Variants in CDH12 observed in about 807,000 individuals in gnomAD.
CDH12 encodes the protein cadherin 12.
CDH12 carries 41 observed loss-of-function variants against 74.1 expected under a neutral mutation model. The ratio of observed to expected loss-of-function variants is 0.55; its 90% confidence interval spans 0.43 to 0.72. The LOEUF (loss-of-function observed/expected upper bound fraction) is 0.72. Ranked by LOEUF, CDH12 falls within the 30% of genes least tolerant of loss-of-function variation. The probability of loss-of-function intolerance (pLI) is 0.00; values close to 1 mark genes in which losing one functional copy is unlikely to be tolerated. For missense variants in CDH12, 945 were observed against 977.2 expected, an observed-to-expected ratio of 0.97 and a Z score of 0.44; for synonymous variants, 399 against 355.0, an observed-to-expected ratio of 1.12 and a Z score of -1.39.
At chr5:22,666,282 CT>C (rs1161509257) in intron 1 of CDH12, among the ~76,000 whole-genome samples, 8,018 of 83,566 alleles carry the variant, frequency 0.096, 251 homozygotes, top group African/African-American at 0.26. Context: ...ATCTCTCTAT[CT>C]TTTTTTTTTT....
At chr5:22,048,304 G>T (rs1278805478) in intron 5 of CDH12, among the ~76,000 whole-genome samples, 7 of 152,112 alleles carry the variant, frequency 4.6e-5, no homozygotes, top group Non-Finnish European at 1.5e-5. Flanking sequence ...AAGGTAAAAA[G>T]ACTTCAAAAG....
intron 8 of CDH12, among the ~76,000 whole-genome samples, chr5:21,825,152 C>CAAA (rs34483269): frequency 8.2e-6 from 1 of 122,130 alleles, no homozygotes; most frequent in Non-Finnish European, 1.8e-5. Flanking sequence ...GACTCTATCT[C>CAAA]AAAAAAAAAA....
chr5:21,888,899 T>C (rs1466736927), intron 6 of CDH12, among the ~76,000 whole-genome samples: 1 of 152,086 alleles, frequency 6.6e-6, no homozygotes, highest in Non-Finnish European at 1.5e-5. Flanking sequence ...CAGTTGATTT[T>C]AAGCTTCTAT....
At chr5:22,444,060 G>C (rs1265014775) in intron 2 of CDH12, among the ~76,000 whole-genome samples, 1 of 151,884 alleles carries the variant, frequency 6.6e-6, no homozygotes, top group African/African-American at 2.4e-5. Flanking sequence ...AGCCATAAGA[G>C]GCTAAAATAA....
In CDH12 at chr5:22,182,852, A is replaced by G. The variant is rs1225340767; in HGVS notation, c.-187+29646T>C. Reference sequence around the variant, plus strand: ...TCTAATGAGTTGTAGAACTTTCTCTACAACTGATTAGAGCTTATAGTGCCA... The same window carrying G: ...TCTAATGAGTTGTAGAACTTTCTCTGCAACTGATTAGAGCTTATAGTGCCA... On this transcript the variant is annotated intron_variant, in intron 4 of 14. Transcript: ENST00000382254. 2.6e-5 allele frequency among the ~76,000 whole-genome samples: 4 copies of G among 151,950 alleles called. No homozygotes were observed. The East Asian group carries it at 5.8e-4, about 22-fold the overall frequency.
At chr5:22,205,169 A>G (rs1751152839) in intron 4 of CDH12, among the ~76,000 whole-genome samples, 1 of 152,246 alleles carries the variant, frequency 6.6e-6, no homozygotes, top group Admixed American at 6.5e-5. Context: ...CAATTGCCTC[A>G]ATTCTGATAC....
At chr5:22,476,033 A>C (rs139508634) in intron 2 of CDH12, among the ~76,000 whole-genome samples, 270 of 152,118 alleles carry the variant, frequency 1.8e-3, no homozygotes, top group Middle Eastern at 3.5e-3. Context: ...TCACCTGTAT[A>C]ATTGCTTTCC....
chr5:22,100,752 C>T (rs1007505717), intron 4 of CDH12, among the ~76,000 whole-genome samples: 2 of 151,514 alleles, frequency 1.3e-5, no homozygotes, highest in Non-Finnish European at 2.9e-5. Flanking sequence ...TTATAAATTA[C>T]TGCATTACAC....
chr5:22,672,700 A>G (rs538447245), intron 1 of CDH12, among the ~76,000 whole-genome samples: 9 of 152,242 alleles, frequency 5.9e-5, no homozygotes, highest in African/African-American at 2.2e-4. Context: ...ATTAAATAAG[A>G]TAGGTGGATA....
intron 5 of CDH12, among the ~76,000 whole-genome samples, chr5:21,983,590 C>T (rs190727512): frequency 2.2e-4 from 34 of 152,170 alleles, no homozygotes; most frequent in Admixed American, 1.8e-3. Flanking sequence ...TTTCTCAATT[C>T]GAAAACTATT....
chr5:22,437,912 A>G (rs1744471141), intron 2 of CDH12, among the ~76,000 whole-genome samples: 1 of 152,094 alleles, frequency 6.6e-6, no homozygotes, highest in African/African-American at 2.4e-5. Context: ...AGCTTTTCCA[A>G]ATACATTTAA....
chr5:22,275,196 T>C (rs1211097287), intron 3 of CDH12, among the ~76,000 whole-genome samples: 1 of 151,988 alleles, frequency 6.6e-6, no homozygotes, highest in East Asian at 1.9e-4. Context: ...AAAACCTAGA[T>C]GATGGGTTGA....
chr5:22,094,504 G>T (rs1039291976), intron 4 of CDH12, among the ~76,000 whole-genome samples: 4 of 152,136 alleles, frequency 2.6e-5, no homozygotes, highest in African/African-American at 9.7e-5. Flanking sequence ...AAGGGAGAAG[G>T]TAAGGACAGA....
At chr5:22,788,958 C>T (rs1226522399) in intron 1 of CDH12, among the ~76,000 whole-genome samples, 1 of 151,724 alleles carries the variant, frequency 6.6e-6, no homozygotes, top group Non-Finnish European at 1.5e-5. Flanking sequence ...ATATTTAAAA[C>T]TCAAATGATG....
At chr5:22,649,863 C>T (rs1300309219) in intron 1 of CDH12, among the ~76,000 whole-genome samples, 1 of 151,882 alleles carries the variant, frequency 6.6e-6, no homozygotes, top group African/African-American at 2.4e-5. Context: ...ATTCACAACA[C>T]CATCTATGGC....
At chr5:21,985,825 C>T (rs868441513) in intron 5 of CDH12, among the ~76,000 whole-genome samples, 1 of 152,158 alleles carries the variant, frequency 6.6e-6, no homozygotes. Flanking sequence ...TTAGATTATA[C>T]TTAAGGTATT....
intron 1 of CDH12, among the ~76,000 whole-genome samples, chr5:22,710,590 A>G (rs140514943): frequency 3.2e-4 from 49 of 152,296 alleles, no homozygotes; most frequent in African/African-American, 1.1e-3. Context: ...ATAGAGTATG[A>G]TAATGGTATG....
chr5:22,806,954 T>C (rs1331591985), intron 1 of CDH12, among the ~76,000 whole-genome samples: 3 of 152,218 alleles, frequency 2.0e-5, no homozygotes, highest in Non-Finnish European at 4.4e-5. Flanking sequence ...TTTCTTTTGC[T>C]GTGCAGAAGC....
chr5:22,565,181 G>A (rs1037395425), intron 1 of CDH12, among the ~76,000 whole-genome samples: 1 of 152,104 alleles, frequency 6.6e-6, no homozygotes, highest in African/African-American at 2.4e-5. Context: ...TGATCCACCT[G>A]CCCCTGCCTC....
Sources: allele counts gnomAD v4.1 joint callset (sites outside exome capture counted in the v4.1 genomes callset), GRCh38; gene constraint gnomAD v4.1.1; transcripts MANE v1.5; gene names NCBI Gene and HGNC (gene_info 2026-07-23, HGNC 2026-07-21).